The following SUMF1 variants were observed in gnomAD, a reference collection of about 807,000 sequenced individuals.
SUMF1 encodes the protein formylglycine-generating enzyme.
Under a neutral mutation model 47.6 loss-of-function variants are expected in SUMF1, and 48 were observed. That is an observed-to-expected ratio of 1.01 (90% confidence interval 0.80 to 1.28). The LOEUF (loss-of-function observed/expected upper bound fraction) is 1.28, where lower values mean the gene tolerates loss of function less well. SUMF1 is among the 50% of genes most tolerant of loss of function. The pLI is 0.00. For synonymous variants in SUMF1, 230 were observed against 192.1 expected (o/e 1.20, Z -1.63); for missense variants, 571 against 485.4 (o/e 1.18, Z -1.66).
intron 3 of SUMF1, among the ~76,000 whole-genome samples, chr3:4,427,724 C>T (rs1160905644): frequency 6.6e-6 from 1 of 152,170 alleles, no homozygotes; most frequent in East Asian, 1.9e-4. Context: ...TGCTATAATA[C>T]ATTGCATTCC....
intron 7 of SUMF1, among the ~76,000 whole-genome samples, chr3:4,410,453 G>A (rs916496082): frequency 3.3e-5 from 5 of 152,084 alleles, no homozygotes; most frequent in African/African-American, 9.7e-5. Flanking sequence ...CAATGCTGCT[G>A]AATCAAAATT....
intron 1 of SUMF1, among the ~76,000 whole-genome samples, chr3:4,454,241 T>G (rs793398): frequency 6.6e-6 from 1 of 151,962 alleles, no homozygotes; most frequent in Non-Finnish European, 1.5e-5. Context: ...AAGACAGCAA[T>G]TGGGGCTGCC....
At chr3:4,061,313 C>T (rs75552629) in intron 9 of SUMF1, among the ~76,000 whole-genome samples, 1,680 of 152,152 alleles carry the variant, frequency 0.011, 31 homozygotes, top group African/African-American at 0.038. Flanking sequence ...ATCAGGACTC[C>T]CAGATAGTAT....
chr3:4,237,346 A>AT (rs1350458229), intron 8 of SUMF1, among the ~76,000 whole-genome samples: 4 of 151,916 alleles, frequency 2.6e-5, no homozygotes, highest in Non-Finnish European at 5.9e-5. Context: ...CTGGTATCTC[A>AT]TTTTTTTAAA....
chr3:4,275,972 T>C (rs1697406285), intron 8 of SUMF1, among the ~76,000 whole-genome samples: 1 of 152,216 alleles, frequency 6.6e-6, no homozygotes, highest in African/African-American at 2.4e-5. Context: ...AGAAGGCTAA[T>C]TTCCCAAATC....
At chr3:4,086,409 G>A (rs1054346341) in intron 8 of SUMF1, among the ~76,000 whole-genome samples, 1 of 152,032 alleles carries the variant, frequency 6.6e-6, no homozygotes, top group Non-Finnish European at 1.5e-5. Flanking sequence ...GGTTGGGTTA[G>A]ATAATATTTA....
chr3:4,356,345 T>C (rs75912258), downstream of SUMF1, among the ~76,000 whole-genome samples: 3,019 of 152,280 alleles, frequency 0.02, 100 homozygotes, highest in African/African-American at 0.068. Context: ...CCATAAGTGC[T>C]CAAGTTAATG....
intron 8 of SUMF1, among the ~76,000 whole-genome samples, chr3:4,185,390 A>G (rs964732529): frequency 3.3e-5 from 5 of 152,184 alleles, no homozygotes; most frequent in African/African-American, 1.2e-4. Context: ...GTTTTTTTGA[A>G]TCTAACAACT....
In SUMF1 at chr3:4,329,202, G is replaced by A. The variant is rs905683010; in HGVS notation, c.1014+47128C>T. On this transcript the variant is annotated intron_variant and NMD_transcript_variant, in intron 8 of 12. Transcript: ENST00000448413. ...CTGTTGGTGGATCTACCATTCTGGG[G>A]TCTGGAGGACGGTGGCCCTCTTCTC... 3.9e-5 allele frequency among the ~76,000 whole-genome samples: 6 copies of A among 152,200 alleles called. No homozygotes were observed. The East Asian group carries it at 1.2e-3, about 29-fold the overall frequency.
At chr3:4,233,240 G>C (rs760607678) in intron 8 of SUMF1, among the ~76,000 whole-genome samples, 58 of 152,254 alleles carry the variant, frequency 3.8e-4, no homozygotes, top group Non-Finnish European at 2.5e-4. Context: ...GGCATTATGA[G>C]AGATGTCATT....
chr3:4,449,560 C>T (rs565620346), intron 2 of SUMF1, among the ~76,000 whole-genome samples: 3 of 152,300 alleles, frequency 2.0e-5, no homozygotes, highest in African/African-American at 7.2e-5. Context: ...ACTCACTTAG[C>T]TGATAAGAAT....
At chr3:4,075,611 C>T (rs1692415430) in intron 8 of SUMF1, among the ~76,000 whole-genome samples, 3 of 152,098 alleles carry the variant, frequency 2.0e-5, no homozygotes, top group Non-Finnish European at 2.9e-5. Flanking sequence ...AGCCCAAAAT[C>T]TCCGTAAGCT....
chr3:4,295,775 A>G (rs1197262630), intron 8 of SUMF1, among the ~76,000 whole-genome samples: 1 of 152,214 alleles, frequency 6.6e-6, no homozygotes, highest in Non-Finnish European at 1.5e-5. Flanking sequence ...TAACATTTTG[A>G]GACAGTCTAC....
intron 9 of SUMF1, among the ~76,000 whole-genome samples, chr3:4,034,659 T>C (rs1473867453): frequency 6.6e-6 from 1 of 152,090 alleles, no homozygotes; most frequent in East Asian, 1.9e-4. Context: ...TCAGGAGGCA[T>C]CAGCAAATAT....
chr3:4,313,160 A>G, intron 8 of SUMF1: 1 of 1,614,062 alleles, frequency 6.2e-7, no homozygotes, highest in Non-Finnish European at 8.5e-7. Context: ...CTACAGTTCC[A>G]CTTCCAAGTG....
intron 8 of SUMF1, among the ~76,000 whole-genome samples, chr3:4,278,884 A>T (rs1697473014): frequency 6.6e-6 from 1 of 152,022 alleles, no homozygotes; most frequent in East Asian, 1.9e-4. Flanking sequence ...CTATTCTCAA[A>T]TTTTTTCATG....
At position 4,041,544 on chromosome 3, in the gene SUMF1, T is replaced by C. The variant is rs187572539; in HGVS notation, c.1191+27025A>G. On this transcript the variant is annotated intron_variant and NMD_transcript_variant, in intron 9 of 12. Coordinates refer to the SUMF1 transcript ENST00000448413. ...GGAAGTGCCACATAAAAGCAGCAGATGGTAAAATTCCCCTAATACAGCAGG... is the reference window on the plus strand; with the variant it reads ...GGAAGTGCCACATAAAAGCAGCAGACGGTAAAATTCCCCTAATACAGCAGG... Among the ~76,000 whole-genome samples the C allele has an allele frequency of 7.4e-3, 1,131 of 152,272 alleles. 9 individuals carry two copies. The highest frequency in any genetic ancestry group is 0.012 in the Non-Finnish European group (808 of 68,016).
chr3:4,212,531 C>G (rs1296355452), intron 8 of SUMF1, among the ~76,000 whole-genome samples: 2 of 152,030 alleles, frequency 1.3e-5, no homozygotes, highest in African/African-American at 4.8e-5. Context: ...TACTCGCCAA[C>G]AAGGGAGCAA....
At chr3:4,296,355 A>G (rs1304044975) in intron 8 of SUMF1, among the ~76,000 whole-genome samples, 1 of 152,112 alleles carries the variant, frequency 6.6e-6, no homozygotes, top group Non-Finnish European at 1.5e-5. Flanking sequence ...AAAAATTCAT[A>G]AAGATCATAT....
Sources: gnomAD v4.1 joint callset for allele counts (sites outside exome capture counted in the v4.1 genomes callset) on GRCh38, gnomAD v4.1.1 for gene constraint, MANE v1.5 for transcripts, NCBI Gene and HGNC (gene_info 2026-07-23, HGNC 2026-07-21) for gene names.